Variants in BRINP1 observed in about 807,000 individuals in gnomAD.
BRINP1 encodes BMP/retinoic acid inducible neural specific 1, also known as BMP/retinoic acid-inducible neural-specific protein 1.
In BRINP1, 17 loss-of-function variants were observed where a neutral mutation model predicts 72.9. That is an observed-to-expected ratio of 0.23 (90% CI 0.16 to 0.35). The LOEUF (loss-of-function observed/expected upper bound fraction) is 0.35, where lower values mean the gene tolerates loss of function less well. Among genes scored for constraint, BRINP1 ranks in the 10% least tolerant of loss-of-function variants. The pLI is 1.00. For synonymous variants in BRINP1, 418 were observed against 378.5 expected, an observed-to-expected ratio of 1.10 and a Z score of -1.21; for missense variants, 850 against 1,001.6, an observed-to-expected ratio of 0.85 and a Z score of 2.04.
At chr9:119,210,810 T>A (rs1348839239) in intron 6 of BRINP1, among the ~76,000 whole-genome samples, 1 of 152,208 alleles carries the variant, frequency 6.6e-6, no homozygotes, top group East Asian at 1.9e-4. Context: ...AGTTTCCCCA[T>A]CTGCTAACAG....
At chr9:119,247,843 C>T (rs960645685) in intron 3 of BRINP1, among the ~76,000 whole-genome samples, 2 of 152,118 alleles carry the variant, frequency 1.3e-5, no homozygotes, top group East Asian at 1.9e-4. Context: ...GTTTTGAGGA[C>T]TAAAGACAAT....
intron 7 of BRINP1, among the ~76,000 whole-genome samples, chr9:119,207,410 TA>T (rs1433970983): frequency 2.6e-5 from 4 of 152,194 alleles, no homozygotes; most frequent in African/African-American, 9.7e-5. Context: ...ACTTAAAAAA[TA>T]ATGGCAAAAA....
intron 2 of BRINP1, among the ~76,000 whole-genome samples, chr9:119,309,243 G>C (rs1391627791): frequency 6.6e-6 from 1 of 152,194 alleles, no homozygotes; most frequent in Non-Finnish European, 1.5e-5. Context: ...GGGGAAAACT[G>C]AGTCTCAGAG....
In BRINP1 at chr9:119,313,318, A is replaced by T; in HGVS notation, c.38T>A (p.Phe13Tyr). 6 of 1,614,014 alleles carry T rather than the reference A, an allele frequency of 3.7e-6. No individual in the cohort carries two copies. Among genetic ancestry groups the T allele is most frequent in the South Asian group, 1.1e-5 (1 of 91,070 alleles). ...WRFVELLYFL[F>Y]IWGRISVQPS... ...CTGCACTGAGATACGGCCCCATATA[A>T]ACAGGAAGTAGAGGAGCTCAACAAA... The change falls in exon 2 of 8, where the codon TTT becomes TAT. Residue 13 changes from phenylalanine to tyrosine, a missense_variant. Phe to Tyr is a conservative substitution (Grantham distance 22, BLOSUM62 3). Coordinates refer to ENST00000265922, the MANE Select transcript of BRINP1 (RefSeq NM_014618.3).
intron 7 of BRINP1, among the ~76,000 whole-genome samples, chr9:119,197,146 A>G (rs1829747114): frequency 6.6e-6 from 1 of 152,244 alleles, no homozygotes; most frequent in Admixed American, 6.5e-5. Flanking sequence ...AAAATGAAAC[A>G]GAAGATGCAG....
chr9:119,220,317 C>A (rs1332371777), intron 5 of BRINP1, among the ~76,000 whole-genome samples: 2 of 152,048 alleles, frequency 1.3e-5, no homozygotes, highest in Non-Finnish European at 2.9e-5. Flanking sequence ...GATGATATTG[C>A]TAGCAGGCAC....
rs1271319023 is a variant in BRINP1 at position 119,167,906 on chromosome 9, C to T, written c.1464G>A (p.Leu488=). The change falls in exon 8 of 8, where the codon CTG becomes CTA. Residue 488 remains leucine, a synonymous_variant. Coordinates refer to ENST00000265922, the MANE Select transcript of BRINP1 (RefSeq NM_014618.3). This position sits in a 1 kb window ranked among gnomAD's most constrained non-coding sequence, Gnocchi z 4.3. ...AGTCCATCTTCTGCAGCAGGTACTT[C>T]AGCTCCAGGTCCTGGAAGTCCAGGT... ...ETDLDFQDLE[L]KYLLQKMDSR... is the part of the protein sequence containing the mutation. 4 of 1,614,200 alleles carry T rather than the reference C, an allele frequency of 2.5e-6. No homozygotes were observed. The highest frequency in any genetic ancestry group is 3.4e-6 in the Non-Finnish European group (4 of 1,180,036).
intron 1 of BRINP1, among the ~76,000 whole-genome samples, chr9:119,349,026 T>C (rs971959773): frequency 6.6e-5 from 10 of 152,132 alleles, no homozygotes; most frequent in African/African-American, 2.4e-4. Flanking sequence ...GAGTTTGAGT[T>C]ATTTGCCAGG....
intron 2 of BRINP1, among the ~76,000 whole-genome samples, chr9:119,301,259 A>G (rs1830935546): frequency 6.6e-6 from 1 of 152,130 alleles, no homozygotes; most frequent in African/African-American, 2.4e-5. Flanking sequence ...CCAAGTTAAA[A>G]ATGTTCCCCT....
intron 1 of BRINP1, among the ~76,000 whole-genome samples, chr9:119,357,705 A>G (rs1831583378): frequency 6.6e-6 from 1 of 152,248 alleles, no homozygotes; most frequent in African/African-American, 2.4e-5. Context: ...CAGTGGCACC[A>G]TTTATAACAT....
intron 2 of BRINP1, among the ~76,000 whole-genome samples, chr9:119,288,497 G>A (rs76169830): frequency 2.7e-3 from 411 of 152,232 alleles, no homozygotes; most frequent in African/African-American, 9.0e-3. Context: ...GAAAGAGTGG[G>A]AAAGAGTAGC....
intron 1 of BRINP1, among the ~76,000 whole-genome samples, chr9:119,320,316 T>C (rs1831172705): frequency 6.6e-6 from 1 of 152,212 alleles, no homozygotes; most frequent in African/African-American, 2.4e-5. Flanking sequence ...ATTTCATTTC[T>C]GTACTACCTG....
intron 1 of BRINP1, among the ~76,000 whole-genome samples, chr9:119,326,385 T>C (rs775061611): frequency 5.3e-5 from 8 of 152,218 alleles, no homozygotes; most frequent in Non-Finnish European, 7.4e-5. Context: ...TCTTGAAGCA[T>C]GAAACTCCTA....
intron 3 of BRINP1, among the ~76,000 whole-genome samples, chr9:119,248,470 TA>T (rs2118919970): frequency 6.6e-6 from 1 of 152,290 alleles, no homozygotes; most frequent in Admixed American, 6.5e-5. Context: ...GAGGGATGGG[TA>T]AGGCTGAGCA....
intron 2 of BRINP1, among the ~76,000 whole-genome samples, chr9:119,263,410 G>A (rs1168589782): frequency 6.6e-6 from 1 of 151,914 alleles, no homozygotes; most frequent in Non-Finnish European, 1.5e-5. Context: ...TGGGCTTGGA[G>A]GTCACTTCTA....
intron 1 of BRINP1, among the ~76,000 whole-genome samples, chr9:119,357,424 A>C (rs1481560244): frequency 6.6e-6 from 1 of 151,650 alleles, no homozygotes; most frequent in Non-Finnish European, 1.5e-5. Context: ...AGGAAGAATA[A>C]GATTCTGGCT....
At chr9:119,329,983 G>A (rs1208767515) in intron 1 of BRINP1, among the ~76,000 whole-genome samples, 1 of 152,150 alleles carries the variant, frequency 6.6e-6, no homozygotes, top group Non-Finnish European at 1.5e-5. Flanking sequence ...TCCTGCCATA[G>A]GCCCCGAGCT....
At chr9:119,340,649 G>A (rs1334775394) in intron 1 of BRINP1, among the ~76,000 whole-genome samples, 2 of 152,190 alleles carry the variant, frequency 1.3e-5, no homozygotes, top group African/African-American at 4.8e-5. Flanking sequence ...ATTTTCTGAT[G>A]TGTAAAGTAA....
intron 5 of BRINP1, among the ~76,000 whole-genome samples, chr9:119,224,916 C>G (rs1469826841): frequency 6.6e-6 from 1 of 151,998 alleles, no homozygotes; most frequent in Admixed American, 6.6e-5. Flanking sequence ...GTATATAATC[C>G]TCTTAGAGGA....
Sources: allele counts gnomAD v4.1 joint callset (sites outside exome capture counted in the v4.1 genomes callset), GRCh38; gene constraint gnomAD v4.1.1; non-coding constraint Gnocchi (gnomAD v3.1); transcripts MANE v1.5; gene names NCBI Gene and HGNC (gene_info 2026-07-23, HGNC 2026-07-21).